Variants in CHRNB1 observed in about 807,000 individuals in gnomAD.
CHRNB1 encodes acetylcholine receptor subunit beta.
In CHRNB1, 47 loss-of-function variants were observed where a neutral mutation model predicts 53.8. That is an observed-to-expected ratio of 0.87 (90% CI 0.69 to 1.11). CHRNB1 has a LOEUF of 1.11. Ranked by LOEUF, CHRNB1 falls within the 50% of genes most tolerant of loss-of-function variation. CHRNB1 has a pLI of 0.00. For missense variants in CHRNB1, 605 were observed against 654.9 expected (o/e 0.92, Z 0.83); for synonymous variants, 259 against 263.5 (o/e 0.98, Z 0.16).
intron 10 of CHRNB1, 70 bp downstream of exon 10, chr17:7,456,011 G>T: frequency 7.9e-7 from 1 of 1,271,608 alleles, no homozygotes; most frequent in Non-Finnish European, 1.1e-6. Flanking sequence ...TTCCGCACCA[G>T]CACTCGCTTT....
In CHRNB1 at chr17:7,456,678, C is replaced by T; in HGVS notation, c.1461C>T (p.Phe487=). ...IFTSVGTLVI[F]LDATYHLPPP... is the part of the protein sequence containing the mutation. ...CCAGCGTTGGGACCCTAGTCATCTT[C>T]CTGGACGCCACGTACCACTTGCCCC... Residue 487 remains phenylalanine (F), a synonymous_variant, in exon 11 of 11, where the codon TTC becomes TTT. Transcript: ENST00000306071. The T allele has an allele frequency of 6.2e-7, 1 of 1,614,174 alleles. No homozygotes were observed. The highest frequency in any genetic ancestry group is 1.1e-5 in the South Asian group (1 of 91,088).
At chr17:7,454,668 C>A (rs534048413) in intron 8 of CHRNB1, 148 bp downstream of exon 8, 18 of 704,464 alleles carry the variant, frequency 2.6e-5, no homozygotes, top group Non-Finnish European at 4.1e-5. Flanking sequence ...TATCATTTCA[C>A]AGATCCCATA....
At chr17:7,451,587 G>GTTT (rs768807970) in intron 7 of CHRNB1, among the ~76,000 whole-genome samples, 6 of 151,828 alleles carry the variant, frequency 4.0e-5, no homozygotes, top group Non-Finnish European at 5.9e-5. Context: ...AGCCTGTTAT[G>GTTT]TTTTTTAACG....
chr17:7,448,683 C>T lies in CHRNB1; in HGVS notation c.715C>T (p.Leu239Phe), dbSNP rs772315322. The T allele has an allele frequency of 1.4e-5, 22 of 1,614,076 alleles. No individual in the cohort carries two copies. In the Admixed American group the frequency reaches 3.7e-4, roughly 27 times the overall value. ...EGQRQEVIFY[L>F]IIRRKPLFYL... ...ACAGCGCCAGGAAGTCATCTTCTAC[C>T]TCATCATCCGCCGCAAGCCTCTCTT... is the stretch of plus-strand genomic sequence containing the variant. Residue 239 changes from leucine to phenylalanine, a missense_variant, in exon 7 of 11, where the codon CTC (leucine) becomes TTC (phenylalanine). Physicochemically the swap from Leu to Phe is conservative, Grantham distance 22. Coordinates refer to ENST00000306071, the MANE Select transcript of CHRNB1 (RefSeq NM_000747.3).
intron 7 of CHRNB1, among the ~76,000 whole-genome samples, chr17:7,450,784 G>T (rs1294108484): frequency 6.6e-6 from 1 of 152,208 alleles, no homozygotes; most frequent in African/African-American, 2.4e-5. Context: ...TTAGAGAGGG[G>T]CAGTGTTGCA....
intron 9 of CHRNB1, 148 bp downstream of exon 9, chr17:7,455,604 G>GA (rs2069941642): frequency 1.6e-6 from 2 of 1,235,636 alleles, no homozygotes. Context: ...ACTTTGAGGG[G>GA]AGGTGGGAAC....
Position 7,446,894 on chromosome 17 carries a change from G to A in CHRNB1, c.305G>A (p.Arg102His). The change falls in exon 4 of 11, where the codon CGC becomes CAC. Residue 102 changes from arginine (R) to histidine (H), a missense_variant. Transcript: ENST00000306071. ...PAEHDGIDSL[R>H]ITAESVWLPD... Reference sequence around the variant, plus strand: ...GAGCACGACGGCATCGATTCGCTCCGCATCACGGCGGAATCCGTGTGGCTC... The same window carrying A: ...GAGCACGACGGCATCGATTCGCTCCACATCACGGCGGAATCCGTGTGGCTC... The A allele has an allele frequency of 6.2e-7, 1 of 1,613,932 alleles. No homozygotes were observed. The highest frequency in any genetic ancestry group is 8.5e-7 in the Non-Finnish European group (1 of 1,180,000).
intron 6 of CHRNB1, among the ~76,000 whole-genome samples, chr17:7,448,037 T>C (rs1428998523): frequency 1.7e-5 from 2 of 116,522 alleles, no homozygotes; most frequent in African/African-American, 6.9e-5. Context: ...ATGGCGCCAC[T>C]GCACTCCAGC....
At position 7,447,225 on chromosome 17, in the gene CHRNB1, G is replaced by A. The variant is rs2302767; in HGVS notation, c.462+74G>A. The A allele has an allele frequency of 0.69, 858,280 of 1,251,770 alleles. 301,244 individuals carry two copies. Among genetic ancestry groups the A allele is most frequent in the Non-Finnish European group, 0.72 (625,469 of 863,434 alleles). The allele number at this position is 1,251,770 out of a possible 1,614,324, so 77.5% of individuals were successfully genotyped here. On this transcript the variant is annotated intron_variant, in intron 5 of 10. Transcript: ENST00000306071. ...CTTTCCTTAGACATCCTGACTCCCC[G>A]GCGACTCCCATCCTTCATCCTTCCC... is the stretch of plus-strand genomic sequence containing the variant.
chr17:7,455,457 G>A lies in CHRNB1; in HGVS notation c.1217+1G>A, dbSNP rs778609818. 1 of 1,614,000 alleles carries A rather than the reference G, an allele frequency of 6.2e-7. No individual in the cohort carries two copies. The highest frequency in any genetic ancestry group is 1.1e-5 in the South Asian group (1 of 91,080). On this transcript the variant is annotated splice_donor_variant, in intron 9 of 10. Transcript: ENST00000306071. LOFTEE classifies it high-confidence loss of function. ...ATTTTCTCTTCCCCAAACCCAATAGGTAGGACTACGCCCGTTACCCACATA... is the reference window on the plus strand; with the variant it reads ...ATTTTCTCTTCCCCAAACCCAATAGATAGGACTACGCCCGTTACCCACATA...
chr17:7,452,065 T>C (rs1908910658), intron 7 of CHRNB1, among the ~76,000 whole-genome samples: 1 of 151,126 alleles, frequency 6.6e-6, no homozygotes, highest in Admixed American at 6.6e-5. Flanking sequence ...TTCTTTTTTT[T>C]TTTTTTTTTA....
intron 3 of CHRNB1, 83 bp from the exon 4 acceptor site, chr17:7,446,750 C>A: frequency 9.0e-7 from 1 of 1,117,050 alleles, no homozygotes; most frequent in Non-Finnish European, 1.3e-6. Flanking sequence ...CTTCCTTGCA[C>A]TCCCTTCCTG....
chr17:7,455,547 A>C (rs979257638), intron 9 of CHRNB1, 91 bp downstream of exon 9: 42 of 1,485,928 alleles, frequency 2.8e-5, no homozygotes, highest in Non-Finnish European at 3.5e-5. Context: ...TGCTCTCGGA[A>C]GACGCTGTGG....
In CHRNB1 at chr17:7,445,140, G is replaced by A. The variant is rs781729431; in HGVS notation, c.13G>A (p.Ala5Thr). 1.1e-5 allele frequency: 17 copies of A among 1,609,076 alleles called. No homozygotes were observed. The highest frequency in any genetic ancestry group is 9.3e-5 in the African/African-American group (7 of 75,006). Residue 5 changes from alanine (A) to threonine (T), a missense_variant, in exon 1 of 11, where the codon GCT becomes ACT. Physicochemically the swap from Ala to Thr is moderately conservative, Grantham distance 58 (BLOSUM62 0). Transcript: ENST00000306071. The surrounding 1 kb of genome is among the most constrained non-coding windows in gnomAD (Gnocchi z 5.7). MTPG[A>T]LLMLLGALGA... ...GAGCCGCCAGGCTATGACCCCAGGG[G>A]CTCTGCTGATGCTGCTGGGGGCGCT...
intron 3 of CHRNB1, chr17:7,446,329 G>GTGTGTGTGTC (rs1555551785): frequency 1.4e-3 from 262 of 185,826 alleles, no homozygotes; most frequent in Admixed American, 3.4e-3. Flanking sequence ...GTGTGTGTCT[G>GTGTGTGTGTC]TGTGTGTGTG....
rs199665345 is a variant in CHRNB1 at position 7,445,424 on chromosome 17, G to C, written c.198+15G>C. On this transcript the variant is annotated intron_variant, in intron 2 of 10. Coordinates refer to ENST00000306071, the MANE Select transcript of CHRNB1 (RefSeq NM_000747.3). The surrounding 1 kb of genome is among the most constrained non-coding windows in gnomAD (Gnocchi z 5.7). ...TCATCAGCCTGGTGAGGGCGCGCGG[G>C]GGGTGGAGGTCAGGCCAGCCGACCG... 5.6e-6 allele frequency: 9 copies of C among 1,610,428 alleles called. No individual in the cohort carries two copies. In the African/African-American group the frequency reaches 6.7e-5, roughly 12 times the overall value.
At chr17:7,454,242 T>A (rs1333604332) in intron 7 of CHRNB1, 55 bp from the exon 8 acceptor site, 2 of 1,410,348 alleles carry the variant, frequency 1.4e-6, no homozygotes, top group East Asian at 4.6e-5. Flanking sequence ...GATTATGCCA[T>A]AGAGCTTTCC....
chr17:7,456,886 T>C lies in CHRNB1; in HGVS notation c.*163T>C. On this transcript the variant is annotated 3_prime_UTR_variant, in exon 11 of 11. Coordinates refer to ENST00000306071, the MANE Select transcript of CHRNB1 (RefSeq NM_000747.3). ...GGACTGAGGGCTGGGTAGGCAGGTG[T>C]CTTGGACCCACCTGAAATGCAGTAT... 1 of 839,800 alleles carries C rather than the reference T, an allele frequency of 1.2e-6. No homozygotes were observed. Among genetic ancestry groups the C allele is most frequent in the Non-Finnish European group, 1.9e-6 (1 of 535,248 alleles). The allele number at this position is 839,800 out of a possible 1,614,324, so 52.0% of individuals were successfully genotyped here. A position where few individuals can be genotyped will look rare whatever the true frequency, so the allele number is the denominator to read the frequency against.
chr17:7,449,759 T>A (rs1349834834), intron 7 of CHRNB1, among the ~76,000 whole-genome samples: 4 of 150,526 alleles, frequency 2.7e-5, no homozygotes, highest in Non-Finnish European at 4.4e-5. Flanking sequence ...ATAATAGTAA[T>A]AGCCACCGGG....
Sources: allele counts gnomAD v4.1 joint callset (sites outside exome capture counted in the v4.1 genomes callset), GRCh38; gene constraint gnomAD v4.1.1; non-coding constraint Gnocchi (gnomAD v3.1); transcripts MANE v1.5; gene names NCBI Gene and HGNC (gene_info 2026-07-23, HGNC 2026-07-21).